SEMA6D: variants seen among roughly 807,000 people sequenced by gnomAD.
SEMA6D encodes semaphorin-6D.
Under a neutral mutation model 106.6 loss-of-function variants are expected in SEMA6D, and 35 were observed. That is an observed-to-expected ratio of 0.33 (90% confidence interval 0.25 to 0.44). SEMA6D has a LOEUF of 0.44. Among genes scored for constraint, SEMA6D ranks in the 20% least tolerant of loss-of-function variants. The pLI, the probability that SEMA6D is intolerant of heterozygous loss-of-function variation, is 1.00. For synonymous variants in SEMA6D, 499 were observed against 487.7 expected (o/e 1.02, Z -0.31); for missense variants, 1,185 against 1,345.9 (o/e 0.88, Z 1.87).
At chr15:47,449,673 A>G (rs1230128268) in intron 2 of SEMA6D, among the ~76,000 whole-genome samples, 1 of 152,098 alleles carries the variant, frequency 6.6e-6, no homozygotes, top group Non-Finnish European at 1.5e-5. Context: ...TCGTACATGG[A>G]ATTTGAGATT....
At chr15:47,707,937 T>A (rs959191588) in intron 4 of SEMA6D, among the ~76,000 whole-genome samples, 1 of 152,192 alleles carries the variant, frequency 6.6e-6, no homozygotes, top group African/African-American at 2.4e-5. Context: ...ACTAAGAAAC[T>A]TGGAAAAATC....
At chr15:47,494,450 A>G (rs985940804) in intron 3 of SEMA6D, among the ~76,000 whole-genome samples, 4 of 151,968 alleles carry the variant, frequency 2.6e-5, no homozygotes, top group Admixed American at 2.0e-4. Flanking sequence ...TCTAAGCAGC[A>G]TTAAAATCTC....
intron 3 of SEMA6D, among the ~76,000 whole-genome samples, chr15:47,555,278 C>T (rs1181332585): frequency 6.6e-6 from 1 of 152,150 alleles, no homozygotes; most frequent in African/African-American, 2.4e-5. Flanking sequence ...GTGATGGCCT[C>T]TGCCTCCCCA....
chr15:47,557,199 G>A (rs1449628888), intron 3 of SEMA6D, among the ~76,000 whole-genome samples: 1 of 152,156 alleles, frequency 6.6e-6, no homozygotes, highest in Non-Finnish European at 1.5e-5. Context: ...GTCACTTCAT[G>A]TAAAATGACA....
chr15:47,385,065 T>TTTTTTTTTTA (rs35758807), intron 1 of SEMA6D, among the ~76,000 whole-genome samples: 10 of 137,230 alleles, frequency 7.3e-5, no homozygotes, highest in African/African-American at 1.4e-4. Context: ...TTTTTTTTTT[T>TTTTTTTTTTA]ACCATAGAAC....
At chr15:47,378,225 G>A (rs879509477) in intron 1 of SEMA6D, among the ~76,000 whole-genome samples, 5 of 152,194 alleles carry the variant, frequency 3.3e-5, no homozygotes, top group Admixed American at 6.5e-5. Flanking sequence ...GGCCAGGCAC[G>A]GTGGCTCACG....
At chr15:47,240,407 T>C (rs534109737) in intron 1 of SEMA6D, among the ~76,000 whole-genome samples, 4 of 152,314 alleles carry the variant, frequency 2.6e-5, no homozygotes, top group Admixed American at 2.6e-4. Flanking sequence ...ATGATGAAGA[T>C]TGAATACACT....
chr15:47,601,308 TA>T (rs2076653540), intron 4 of SEMA6D, among the ~76,000 whole-genome samples: 1 of 152,186 alleles, frequency 6.6e-6, no homozygotes, highest in East Asian at 1.9e-4. Flanking sequence ...AGCACAGCCC[TA>T]ACCTTTCAGC....
At chr15:47,289,309 G>T (rs544718084) in intron 1 of SEMA6D, among the ~76,000 whole-genome samples, 2 of 146,780 alleles carry the variant, frequency 1.4e-5, no homozygotes, top group East Asian at 2.1e-4. Flanking sequence ...CAGGAGAATC[G>T]CTCGAACCTA....
At chr15:47,198,266 A>T (rs945234259) in intron 1 of SEMA6D, among the ~76,000 whole-genome samples, 1 of 152,108 alleles carries the variant, frequency 6.6e-6, no homozygotes, top group African/African-American at 2.4e-5. Context: ...CCATTGTACA[A>T]ATGGTGACGA....
At chr15:47,393,565 G>C (rs1451736692) in intron 1 of SEMA6D, 1 of 152,142 alleles carries the variant, frequency 6.6e-6, no homozygotes, top group African/African-American at 2.4e-5. Flanking sequence ...ACCACACTCA[G>C]GAAGACCCCA....
chr15:47,755,783 A>T (rs1181492412), intron 1 of SEMA6D, among the ~76,000 whole-genome samples: 1 of 151,360 alleles, frequency 6.6e-6, no homozygotes, highest in Non-Finnish European at 1.5e-5. Context: ...TCTCATTTTT[A>T]TAGAGCCTTA....
intron 3 of SEMA6D, among the ~76,000 whole-genome samples, chr15:47,566,504 T>C (rs1197067324): frequency 1.3e-5 from 2 of 152,182 alleles, no homozygotes; most frequent in Non-Finnish European, 2.9e-5. Flanking sequence ...AGTTCCCACA[T>C]CTGTAGGGAC....
In SEMA6D at chr15:47,655,606, A is replaced by T. The variant is rs543094246; in HGVS notation, c.-55+54710A>T. ...TTCAAAGAAGATGAATTATAAGTTCATTATTAGTATTTAGAAAACATGTGG... is the reference window on the plus strand; with the variant it reads ...TTCAAAGAAGATGAATTATAAGTTCTTTATTAGTATTTAGAAAACATGTGG... On this transcript the variant is annotated intron_variant, in intron 4 of 19. Coordinates refer to the SEMA6D transcript ENST00000558014. 1.2e-3 allele frequency among the ~76,000 whole-genome samples: 183 copies of T among 152,320 alleles called. 1 individual carries two copies. Among genetic ancestry groups the T allele is most frequent in the African/African-American group, 3.9e-3 (161 of 41,574 alleles).
intron 1 of SEMA6D, among the ~76,000 whole-genome samples, chr15:47,220,780 T>C (rs2031124313): frequency 6.6e-6 from 1 of 152,108 alleles, no homozygotes; most frequent in Non-Finnish European, 1.5e-5. Flanking sequence ...GCTAAATCAC[T>C]TGATGCAGGT....
intron 4 of SEMA6D, among the ~76,000 whole-genome samples, chr15:47,665,351 T>C (rs1339464991): frequency 6.6e-6 from 1 of 152,230 alleles, no homozygotes; most frequent in Admixed American, 6.5e-5. Flanking sequence ...CTTTCCTATC[T>C]TTATTTATGC....
chr15:47,220,860 T>G (rs961512123), intron 1 of SEMA6D, among the ~76,000 whole-genome samples: 7 of 152,248 alleles, frequency 4.6e-5, no homozygotes, highest in Non-Finnish European at 8.8e-5. Flanking sequence ...TTAATCCTCT[T>G]TGTTGTTCCT....
At chr15:47,763,815 A>G in intron 9 of SEMA6D, 35 bp from the exon 10 acceptor site, 2 of 1,569,024 alleles carry the variant, frequency 1.3e-6, no homozygotes, top group Non-Finnish European at 1.8e-6. Context: ...TTCCATGCTC[A>G]TAACCCCATT....
chr15:47,308,696 A>G (rs1353413077), intron 1 of SEMA6D, among the ~76,000 whole-genome samples: 2 of 152,186 alleles, frequency 1.3e-5, no homozygotes. Context: ...TAAAAGAACT[A>G]TAATGATCAC....
Sources: gnomAD v4.1 joint callset for allele counts (sites outside exome capture counted in the v4.1 genomes callset) on GRCh38, gnomAD v4.1.1 for gene constraint, MANE v1.5 for transcripts, NCBI Gene and HGNC (gene_info 2026-07-23, HGNC 2026-07-21) for gene names.